The following FUT8 variants were observed in gnomAD, a reference collection of about 807,000 sequenced individuals.
FUT8 encodes the protein alpha-(1,6)-fucosyltransferase.
Under a neutral mutation model 71.3 loss-of-function variants are expected in FUT8, and 29 were observed. The observed-to-expected ratio is 0.41, with a 90% confidence interval of 0.30 to 0.55. The LOEUF is 0.55. Ranked by LOEUF, FUT8 falls within the 20% of genes least tolerant of loss-of-function variation. FUT8 has a pLI of 0.34. For missense variants in FUT8, 544 were observed against 702.1 expected, an observed-to-expected ratio of 0.77 and a Z score of 2.55; for synonymous variants, 254 against 239.3, an observed-to-expected ratio of 1.06 and a Z score of -0.57.
At chr14:65,473,769 G>A (rs1357358030) in intron 2 of FUT8, among the ~76,000 whole-genome samples, 1 of 152,242 alleles carries the variant, frequency 6.6e-6, no homozygotes, top group East Asian at 1.9e-4. Flanking sequence ...CTAAACTAAT[G>A]TTTAGAACTG....
At position 65,430,979 on chromosome 14, in the gene FUT8, C is replaced by T. The variant is rs1299847650; in HGVS notation, c.-326+17765C>T. Among the ~76,000 whole-genome samples, 3 of 150,076 alleles carry T rather than the reference C, an allele frequency of 2.0e-5. No homozygotes were observed. In the Admixed American group the frequency reaches 2.0e-4, roughly 10 times the overall value. On this transcript the variant is annotated intron_variant, in intron 1 of 10. Transcript: ENST00000673929. Reference sequence around the variant, plus strand: ...ACTTCCTATAGGGGCTATTTCAGACCTTTTCTACTAATTTTTTTTTTTTTT... The same window carrying T: ...ACTTCCTATAGGGGCTATTTCAGACTTTTTCTACTAATTTTTTTTTTTTTT...
At chr14:65,739,507 A>T (rs1478867012) in intron 10 of FUT8, among the ~76,000 whole-genome samples, 1 of 152,010 alleles carries the variant, frequency 6.6e-6, no homozygotes, top group African/African-American at 2.4e-5. Flanking sequence ...ACAGGGTGCG[A>T]TGTTGTTTTT....
chr14:65,713,543 T>C (rs750672840), intron 7 of FUT8, among the ~76,000 whole-genome samples: 70 of 152,208 alleles, frequency 4.6e-4, no homozygotes, highest in Non-Finnish European at 9.1e-4. Context: ...TTCCCTTTTC[T>C]GCACATACTT....
At chr14:65,595,537 G>A (rs1253612941) in intron 3 of FUT8, among the ~76,000 whole-genome samples, 2 of 148,328 alleles carry the variant, frequency 1.3e-5, no homozygotes, top group Non-Finnish European at 3.0e-5. Context: ...GAATTAAGTA[G>A]AATTGACATA....
At chr14:65,425,042 A>G (rs1374591821) in intron 1 of FUT8, among the ~76,000 whole-genome samples, 1 of 152,182 alleles carries the variant, frequency 6.6e-6, no homozygotes, top group Non-Finnish European at 1.5e-5. Flanking sequence ...AAATTTATCA[A>G]CATATTTATT....
At chr14:65,433,517 A>T (rs1360633777) in intron 1 of FUT8, among the ~76,000 whole-genome samples, 1 of 152,232 alleles carries the variant, frequency 6.6e-6, no homozygotes, top group African/African-American at 2.4e-5. Context: ...GATATTGATT[A>T]AAATTTGTGA....
intron 10 of FUT8, among the ~76,000 whole-genome samples, chr14:65,737,318 T>A (rs1276013725): frequency 1.3e-5 from 2 of 152,140 alleles, no homozygotes; most frequent in Non-Finnish European, 2.9e-5. Flanking sequence ...ATAAATTGAA[T>A]AGCACAGTCC....
At chr14:65,425,469 T>G (rs2065370862) in intron 1 of FUT8, among the ~76,000 whole-genome samples, 1 of 81,946 alleles carries the variant, frequency 1.2e-5, no homozygotes. Flanking sequence ...TGCCTGGCCG[T>G]TTTTTTTTTT....
intron 3 of FUT8, among the ~76,000 whole-genome samples, chr14:65,582,784 T>C (rs1887161262): frequency 6.6e-6 from 1 of 152,172 alleles, no homozygotes; most frequent in Non-Finnish European, 1.5e-5. Context: ...TCTGGCGTCT[T>C]TAATAAAGTG....
chr14:65,387,214 G>C, the FUT8 span, among the ~76,000 whole-genome samples: 1 of 152,160 alleles, frequency 6.6e-6, no homozygotes, highest in Non-Finnish European at 1.5e-5. Flanking sequence ...CTTGGAAACA[G>C]TTTGAGCCTT....
At chr14:65,371,226 T>C in the FUT8 span, among the ~76,000 whole-genome samples, 1 of 152,242 alleles carries the variant, frequency 6.6e-6, no homozygotes, top group East Asian at 1.9e-4. Context: ...CGATCACACT[T>C]TCACAGTGTA....
At chr14:65,505,892 A>T (rs72714463) in intron 2 of FUT8, among the ~76,000 whole-genome samples, 4,052 of 152,138 alleles carry the variant, frequency 0.027, 86 homozygotes, top group Non-Finnish European at 0.041. Flanking sequence ...TTCCTAGGAA[A>T]ACTTATTTGT....
intron 3 of FUT8, among the ~76,000 whole-genome samples, chr14:65,602,646 A>G (rs1325675613): frequency 2.0e-5 from 3 of 151,730 alleles, no homozygotes; most frequent in Non-Finnish European, 2.9e-5. Flanking sequence ...AGCATTGTAG[A>G]AGTGTTCCTT....
intron 3 of FUT8, among the ~76,000 whole-genome samples, chr14:65,568,342 A>G (rs1221592358): frequency 6.6e-6 from 1 of 151,450 alleles, no homozygotes; most frequent in Non-Finnish European, 1.5e-5. Flanking sequence ...TGCTTTTTCA[A>G]AGAACCAACC....
intron 10 of FUT8, 97 bp downstream of exon 10, chr14:65,733,478 T>C: frequency 1.1e-6 from 1 of 891,526 alleles, no homozygotes; most frequent in Non-Finnish European, 1.6e-6. Flanking sequence ...TAATGTTCAT[T>C]ATTGTGACTC....
chr14:65,442,109 A>T (rs1333351025), intron 1 of FUT8, among the ~76,000 whole-genome samples: 4 of 151,904 alleles, frequency 2.6e-5, no homozygotes, highest in African/African-American at 7.3e-5. Context: ...AGGGCTCCCT[A>T]GATAATTCTT....
At chr14:65,414,711 T>C (rs1001759568) in intron 1 of FUT8, among the ~76,000 whole-genome samples, 2 of 152,226 alleles carry the variant, frequency 1.3e-5, no homozygotes, top group African/African-American at 4.8e-5. Context: ...TTCCAAGACA[T>C]GGATTTTCTT....
rs1888904995 is a variant in FUT8 at position 65,611,209 on chromosome 14, GCGCGCGCGCGCGCGCA to G, written c.204-4767_204-4752del. 4.9e-3 allele frequency among the ~76,000 whole-genome samples: 30 copies of G among 6,090 alleles called. 3 individuals carry two copies. Among genetic ancestry groups the G allele is most frequent in the Non-Finnish European group, 0.012 (15 of 1,214 alleles). The allele number at this position is 6,090 out of a possible 152,430, so 4.0% of individuals were successfully genotyped here. A position where few individuals can be genotyped will look rare whatever the true frequency, so the allele number is the denominator to read the frequency against. On this transcript the variant is annotated intron_variant, in intron 3 of 10. Transcript: ENST00000673929. ...TACACACACACACACGCGCGCGCGCGCGCGCGCGCGCGCGCACACACACACACACACACACACACAC... is the reference window on the plus strand; with the variant it reads ...TACACACACACACACGCGCGCGCGCGCACACACACACACACACACACACAC...
intron 2 of FUT8, among the ~76,000 whole-genome samples, chr14:65,549,825 G>T (rs1413355393): frequency 2.6e-5 from 4 of 152,090 alleles, no homozygotes; most frequent in Non-Finnish European, 5.9e-5. Flanking sequence ...GTTTTTCATT[G>T]CTCTGAAGGA....
Sources: gnomAD v4.1 joint callset for allele counts (sites outside exome capture counted in the v4.1 genomes callset) on GRCh38, gnomAD v4.1.1 for gene constraint, MANE v1.5 for transcripts, NCBI Gene and HGNC (gene_info 2026-07-23, HGNC 2026-07-21) for gene names.